Variants in ICE2 observed in about 807,000 individuals in gnomAD.
The protein encoded by ICE2 is little elongation complex subunit 2.
Under a neutral mutation model 105.4 loss-of-function variants are expected in ICE2, and 87 were observed. That is an observed-to-expected ratio of 0.83 (90% CI 0.69 to 0.99). The LOEUF is 0.99. Ranked by LOEUF, ICE2 falls within the 50% of genes least tolerant of loss-of-function variation. ICE2 has a pLI of 0.00. For synonymous variants in ICE2, 399 were observed against 392.0 expected (o/e 1.02, Z -0.21); for missense variants, 1,323 against 1,146.7 (o/e 1.15, Z -2.22).
Position 60,454,858 on chromosome 15 carries a change from C to T in ICE2, c.943+145G>A, listed in dbSNP as rs557584823. The T allele has an allele frequency of 2.1e-5, 13 of 626,890 alleles. No homozygotes were observed. In the East Asian group the frequency reaches 2.2e-4, roughly 11 times the overall value. 38.8% of individuals were successfully genotyped at this position (626,890 alleles called of 1,614,324 possible). ...GTCCTAATGCTCTCTCTCACCTTGC[C>T]CCCCACCCCCTGACAGGCCCCGGTG... On this transcript the variant is annotated intron_variant, in intron 8 of 15. Transcript: ENST00000261520.
At chr15:60,432,420 C>CA (rs2063482972) in intron 13 of ICE2, among the ~76,000 whole-genome samples, 1 of 151,644 alleles carries the variant, frequency 6.6e-6, no homozygotes, top group South Asian at 2.1e-4. Flanking sequence ...GAATTCCTGA[C>CA]CTCAGGTGAT....
In ICE2 at chr15:60,449,691, G is replaced by C. The variant is rs780550239; in HGVS notation, c.1276C>G (p.Pro426Ala). 6.2e-7 allele frequency: 1 copy of C among 1,613,954 alleles called. No individual in the cohort carries two copies. Residue 426 changes from proline to alanine, a missense_variant, in exon 10 of 16, where the codon CCT becomes GCT. Physicochemically the swap from Pro to Ala is conservative, Grantham distance 27. Transcript: ENST00000261520. Reference sequence around the variant, plus strand: ...GCTGTAGGAGCATCTGTCATGTTAGGTACTGTGGAAGTACTTGCTGGACTT... The same window carrying C: ...GCTGTAGGAGCATCTGTCATGTTAGCTACTGTGGAAGTACTTGCTGGACTT... The part of the protein sequence containing the change: ...SPSPASTSTV[P>A]NMTDAPTAPK...
At chr15:60,445,024 T>C (rs139073847) in intron 11 of ICE2, among the ~76,000 whole-genome samples, 17 of 152,310 alleles carry the variant, frequency 1.1e-4, no homozygotes, top group African/African-American at 4.1e-4. Context: ...GACTGGCTGA[T>C]GTTTTAGGTT....
Position 60,419,768 on chromosome 15 carries a change from C to T in ICE2, c.*3866G>A, listed in dbSNP as rs559303143. On this transcript the variant is annotated 3_prime_UTR_variant, in exon 16 of 16. Transcript: ENST00000261520. Reference sequence around the variant, plus strand: ...CTATATACCTATAATGCATAGAAAACGTCTTAACATCTTTACAACATGCCC... The same window carrying T: ...CTATATACCTATAATGCATAGAAAATGTCTTAACATCTTTACAACATGCCC... 1.3e-5 allele frequency: 2 copies of T among 152,248 alleles called. No homozygotes were observed. Among genetic ancestry groups the T allele is most frequent in the Admixed American group, 6.5e-5 (1 of 15,296 alleles). 9.4% of individuals were successfully genotyped at this position (152,248 alleles called of 1,614,324 possible). A position where few individuals can be genotyped will look rare whatever the true frequency, so the allele number is the denominator to read the frequency against.
intron 4 of ICE2, 35 bp downstream of exon 4, chr15:60,468,026 T>G: frequency 6.8e-7 from 1 of 1,476,182 alleles, no homozygotes; most frequent in South Asian, 1.5e-5. Flanking sequence ...TAATTTTTAT[T>G]ATTTTTTCCT....
chr15:60,457,111 T>A (rs972793219), intron 5 of ICE2, among the ~76,000 whole-genome samples: 2 of 152,158 alleles, frequency 1.3e-5, no homozygotes, highest in Non-Finnish European at 2.9e-5. Flanking sequence ...TCAAAGCAGT[T>A]ATATGAATAA....
chr15:60,433,304 G>T (rs2063504059), intron 13 of ICE2, among the ~76,000 whole-genome samples: 1 of 151,798 alleles, frequency 6.6e-6, no homozygotes, highest in Non-Finnish European at 1.5e-5. Flanking sequence ...AGCCAGGATG[G>T]TCTCATCTCC....
At chr15:60,451,746 G>C in intron 9 of ICE2, 2 of 346,988 alleles carry the variant, frequency 5.8e-6, no homozygotes, top group Non-Finnish European at 8.1e-6. Flanking sequence ...TTGGGGTCCA[G>C]GCCCTTGGTG....
rs898134811 is a variant in ICE2 at position 60,442,469 on chromosome 15, A to C, written c.2372T>G (p.Leu791Arg). The C allele has an allele frequency of 1.2e-6, 2 of 1,601,434 alleles. No homozygotes were observed. The highest frequency in any genetic ancestry group is 1.7e-6 in the Non-Finnish European group (2 of 1,177,664). ...YGVEALTESE[L>R]CRLWTESLLH... The stretch of plus-strand genomic sequence containing the variant: ...TAAACTTTCAGTCCATAAGCGACAA[A>C]GTTCACTTTCAGTCAGAGCTTCAAC... The change falls in exon 12 of 16, where the codon CTT becomes CGT. Residue 791 changes from leucine (L) to arginine (R), a missense_variant. By Grantham distance (102) the Leu-to-Arg change is moderately radical (BLOSUM62 -2). Coordinates refer to ENST00000261520, the MANE Select transcript of ICE2 (RefSeq NM_024611.6).
Position 60,448,263 on chromosome 15 carries a change from C to T in ICE2, c.2120-118G>A, listed in dbSNP as rs1351561368. 4 of 662,476 alleles carry T rather than the reference C, an allele frequency of 6.0e-6. No individual in the cohort carries two copies. In the East Asian group the frequency reaches 1.1e-4, roughly 19 times the overall value. The allele number at this position is 662,476 out of a possible 1,614,324, so 41.0% of individuals were successfully genotyped here. A position where few individuals can be genotyped will look rare whatever the true frequency, so the allele number is the denominator to read the frequency against. On this transcript the variant is annotated intron_variant, in intron 10 of 15. Coordinates refer to ENST00000261520, the MANE Select transcript of ICE2 (RefSeq NM_024611.6). ...CTATCATCTTTAATTTTCTACTTCTCTGCCTAAGGGACCCTCACACTATTA... is the reference window on the plus strand; with the variant it reads ...CTATCATCTTTAATTTTCTACTTCTTTGCCTAAGGGACCCTCACACTATTA...
intron 14 of ICE2, among the ~76,000 whole-genome samples, chr15:60,430,553 T>TA (rs2063433736): frequency 6.6e-6 from 1 of 152,238 alleles, no homozygotes; most frequent in South Asian, 2.1e-4. Context: ...AAGCTTTGTA[T>TA]ATAGCATGAA....
intron 1 of ICE2, 66 bp from the exon 2 acceptor site, chr15:60,478,135 G>A (rs1404261880): frequency 9.0e-6 from 6 of 664,388 alleles, no homozygotes; most frequent in Non-Finnish European, 1.3e-5. Flanking sequence ...TATTAGGTGA[G>A]GAAGAATCTC....
intron 9 of ICE2, among the ~76,000 whole-genome samples, chr15:60,450,712 G>A (rs770294918): frequency 3.9e-5 from 6 of 152,078 alleles, no homozygotes; most frequent in African/African-American, 1.2e-4. Context: ...GAACCTCAAC[G>A]GCCTCATCTC....
chr15:60,468,193 A>C lies in ICE2; in HGVS notation c.276T>G (p.Val92=). 1 of 1,614,078 alleles carries C rather than the reference A, an allele frequency of 6.2e-7. No individual in the cohort carries two copies. Among genetic ancestry groups the C allele is most frequent in the Non-Finnish European group, 8.5e-7 (1 of 1,179,984 alleles). Residue 92 remains valine, a synonymous_variant, in exon 4 of 16, where the codon GTT becomes GTG. Transcript: ENST00000261520. The stretch of plus-strand genomic sequence containing the variant: ...AGAAACGAGAGAAACGAGGATAAGG[A>C]ACTCTTGGTTTTGGAAGAAGAACCA... The part of the protein sequence containing the change: ...IGMVLLPKPR[V]PYPRFSRFSQ...
In ICE2 at chr15:60,428,535, G is replaced by A. The variant is rs1161475831; in HGVS notation, c.2714C>T (p.Pro905Leu). 2 of 1,614,110 alleles carry A rather than the reference G, an allele frequency of 1.2e-6. No individual in the cohort carries two copies. Among genetic ancestry groups the A allele is most frequent in the East Asian group, 4.5e-5 (2 of 44,878 alleles). The change falls in exon 15 of 16, where the codon CCC becomes CTC. Residue 905 changes from proline to leucine, a missense_variant. Transcript: ENST00000261520. ...LPGVPSSLSV[P>L]WVPLDPSLLL... ...CAGGCTGGGATCTAATGGGACCCAG[G>A]GAACTGAGAGACTGGAAGGTACACC... is the stretch of plus-strand genomic sequence containing the variant.
chr15:60,439,111 T>G (rs2063661092), intron 12 of ICE2: 1 of 152,344 alleles, frequency 6.6e-6, no homozygotes. Context: ...ACCATAAAAA[T>G]GCCTATACAG....
chr15:60,450,995 A>T (rs1278640349), intron 9 of ICE2: 1 of 203,604 alleles, frequency 4.9e-6, no homozygotes, highest in Non-Finnish European at 8.7e-6. Flanking sequence ...GAGGAAGAAT[A>T]GCAATGAAAG....
chr15:60,424,144 C>T (rs959496786), intron 15 of ICE2, among the ~76,000 whole-genome samples: 2 of 149,802 alleles, frequency 1.3e-5, no homozygotes, highest in East Asian at 2.0e-4. Flanking sequence ...AGGGAGGGAG[C>T]GAAAGGAAAT....
intron 3 of ICE2, among the ~76,000 whole-genome samples, chr15:60,470,560 C>A (rs912111276): frequency 2.0e-5 from 3 of 152,144 alleles, no homozygotes; most frequent in Non-Finnish European, 4.4e-5. Flanking sequence ...TTACCAGGTA[C>A]AAATAAGTCT....
Sources: allele counts gnomAD v4.1 joint callset (sites outside exome capture counted in the v4.1 genomes callset), GRCh38; gene constraint gnomAD v4.1.1; transcripts MANE v1.5; gene names NCBI Gene and HGNC (gene_info 2026-07-23, HGNC 2026-07-21).